Variants in DMAC2 observed in about 807,000 individuals in gnomAD.
DMAC2 encodes distal membrane arm assembly component 2.
In DMAC2, 32 loss-of-function variants were observed where a neutral mutation model predicts 29.6. That is an observed-to-expected ratio of 1.08 (90% CI 0.81 to 1.45). DMAC2 has a LOEUF of 1.45. Among genes scored for constraint, DMAC2 ranks in the 40% most tolerant of loss-of-function variants. DMAC2 has a pLI of 0.00. For missense variants in DMAC2, 319 were observed against 340.0 expected (o/e 0.94, Z 0.49); for synonymous variants, 133 against 137.4 (o/e 0.97, Z 0.23).
intron 1 of DMAC2, chr19:41,439,285 CCAA>C: frequency 1.9e-6 from 1 of 520,168 alleles, no homozygotes; most frequent in Non-Finnish European, 3.4e-6. Flanking sequence ...TTTAAAGCTG[CCAA>C]CCTCTTTAAT....
intron 5 of DMAC2, chr19:41,432,706 C>T (rs1555769624): frequency 1.9e-4 from 39 of 209,062 alleles, no homozygotes; most frequent in South Asian, 9.9e-4. Context: ...ATAAGGACAG[C>T]GTGTGTGTGT....
chr19:41,436,398 G>A lies in DMAC2; in HGVS notation c.290C>T (p.Ala97Val). The part of the protein sequence containing the change: ...GAFFILKQGG[A>V]VKFRDKEWIR... ...AACACCTTAGCGGTCATACTTGACT[G>A]CGCCTCCCTGCTTCAGGATGAAAAA... Residue 97 changes from alanine to valine, a missense_variant, in exon 3 of 6, where the codon GCA becomes GTA. By Grantham distance (64) the Ala-to-Val change is moderately conservative. Coordinates refer to ENST00000221943, the MANE Select transcript of DMAC2 (RefSeq NM_018035.3). 1 of 1,614,120 alleles carries A rather than the reference G, an allele frequency of 6.2e-7. No homozygotes were observed. Among genetic ancestry groups the A allele is most frequent in the Non-Finnish European group, 8.5e-7 (1 of 1,179,978 alleles).
intron 5 of DMAC2, chr19:41,432,786 G>GCA (rs782752110): frequency 3.9e-5 from 6 of 154,086 alleles, no homozygotes; most frequent in South Asian, 6.5e-5. Context: ...CAGCGTGCGT[G>GCA]TGTGTGTGTG....
At chr19:41,432,568 C>CGTGTGTGCGTGT in intron 5 of DMAC2, 160 bp from the exon 6 acceptor site, 1 of 518,942 alleles carries the variant, frequency 1.9e-6, no homozygotes, top group Non-Finnish European at 3.3e-6. Flanking sequence ...ACAGTGTGTG[C>CGTGTGTGCGTGT]GTGTGTGTGT....
At chr19:41,433,476 G>A in intron 4 of DMAC2, 42 bp from the exon 5 acceptor site, 2 of 1,612,712 alleles carry the variant, frequency 1.2e-6, no homozygotes, top group East Asian at 2.2e-5. Flanking sequence ...GAGCCTTTCT[G>A]GAGCCCATCA....
rs975122153 is a variant in DMAC2, at chr19:41,431,856, T to C, written c.*375A>G. ...ACGGGGGAGAACCATCCCTGTAAAG[T>C]GTCAGTAGTAGCCCCTGTGTCAGTC... is the stretch of plus-strand genomic sequence containing the variant. On this transcript the variant is annotated 3_prime_UTR_variant, in exon 6 of 6. Transcript: ENST00000221943. The C allele has an allele frequency of 1.2e-4, 34 of 277,810 alleles. No homozygotes were observed. The East Asian group carries it at 3.0e-3, about 24-fold the overall frequency. The allele number at this position is 277,810 out of a possible 1,614,324, so 17.2% of individuals were successfully genotyped here. A position where few individuals can be genotyped will look rare whatever the true frequency, so the allele number is the denominator to read the frequency against.
intron 3 of DMAC2, 61 bp downstream of exon 3, chr19:41,436,331 G>T: frequency 6.9e-7 from 1 of 1,449,996 alleles, no homozygotes; most frequent in Non-Finnish European, 9.7e-7. Flanking sequence ...TGCAGAACCT[G>T]GATGTTAGAG....
intron 5 of DMAC2, chr19:41,432,785 T>TGC (rs368825726): frequency 0.2 from 26,977 of 134,276 alleles, 830 homozygotes; most frequent in Middle Eastern, 0.27. Context: ...ACAGCGTGCG[T>TGC]GTGTGTGTGT....
intron 3 of DMAC2, among the ~76,000 whole-genome samples, chr19:41,434,567 T>C (rs188054825): frequency 8.6e-4 from 130 of 150,548 alleles, no homozygotes; most frequent in South Asian, 1.9e-3. Context: ...TCTAAGGAAG[T>C]TGCCAGAGGA....
At chr19:41,438,164 T>C (rs2039967829) in intron 2 of DMAC2, 54 bp downstream of exon 2, 1 of 1,541,370 alleles carries the variant, frequency 6.5e-7, no homozygotes, top group South Asian at 1.2e-5. Flanking sequence ...GGACAGGACC[T>C]GGGCTCTGGT....
chr19:41,439,241 A>T, intron 1 of DMAC2: 1 of 441,412 alleles, frequency 2.3e-6, no homozygotes, highest in South Asian at 3.9e-5. Flanking sequence ...AATTATCTCG[A>T]TAATTTTACC....
chr19:41,432,564 T>TGTGCGTGC, intron 5 of DMAC2, 156 bp from the exon 6 acceptor site: 1 of 605,504 alleles, frequency 1.7e-6, no homozygotes, highest in South Asian at 1.9e-5. Flanking sequence ...CAGGACAGTG[T>TGTGCGTGC]GTGCGTGTGT....
rs782262645 is a variant in DMAC2, at chr19:41,433,649, C to G, written c.321G>C (p.Arg107Ser). The change falls in exon 4 of 6, where the codon AGG (arginine) becomes AGC (serine). Residue 107 changes from arginine (R) to serine (S), a missense_variant. Coordinates refer to ENST00000221943, the MANE Select transcript of DMAC2 (RefSeq NM_018035.3). Reference sequence around the variant, plus strand: ...GAGAGAAATGGCCATACTTATCTGGCCTGATCCACTCCTTGTCTCGAAACC... The same window carrying G: ...GAGAGAAATGGCCATACTTATCTGGGCTGATCCACTCCTTGTCTCGAAACC... ...AVKFRDKEWI[R>S]PDKYGHFSQE... 86 of 1,614,108 alleles carry G rather than the reference C, an allele frequency of 5.3e-5. No individual in the cohort carries two copies. The highest frequency in any genetic ancestry group is 7.0e-5 in the Non-Finnish European group (83 of 1,180,048).
At chr19:41,436,088 C>G (rs546491791) in intron 3 of DMAC2, among the ~76,000 whole-genome samples, 1 of 152,340 alleles carries the variant, frequency 6.6e-6, no homozygotes, top group South Asian at 2.1e-4. Flanking sequence ...TTTGGCCAAG[C>G]TGCTCTCGAA....
chr19:41,439,648 T>C, intron 1 of DMAC2: 3 of 1,396,180 alleles, frequency 2.1e-6, no homozygotes, highest in African/African-American at 1.4e-5. Flanking sequence ...CATTGGATAC[T>C]CTCAGCCAAG....
chr19:41,432,900 A>C, intron 5 of DMAC2: 1 of 503,364 alleles, frequency 2.0e-6, no homozygotes, highest in Non-Finnish European at 3.5e-6. Flanking sequence ...GCATGCGTGC[A>C]TGTGTGTGTG....
chr19:41,438,018 A>G (rs2039961683), intron 2 of DMAC2, among the ~76,000 whole-genome samples, 200 bp downstream of exon 2: 1 of 152,228 alleles, frequency 6.6e-6, no homozygotes, highest in South Asian at 2.1e-4. Flanking sequence ...GATGCCAGTT[A>G]GACTCTGAGT....
At chr19:41,434,070 T>G (rs1555770473) in intron 3 of DMAC2, among the ~76,000 whole-genome samples, 3 of 151,750 alleles carry the variant, frequency 2.0e-5, no homozygotes, top group Non-Finnish European at 4.4e-5. Flanking sequence ...CCATCTCTAC[T>G]AAAAATACAA....
At chr19:41,433,061 G>C (rs1375432697) in intron 5 of DMAC2, 1 of 595,474 alleles carries the variant, frequency 1.7e-6, no homozygotes, top group Non-Finnish European at 2.8e-6. Context: ...ACACAGTTTT[G>C]ACTAAAACAA....
Sources: gnomAD v4.1 joint callset for allele counts (sites outside exome capture counted in the v4.1 genomes callset) on GRCh38, gnomAD v4.1.1 for gene constraint, MANE v1.5 for transcripts, NCBI Gene and HGNC (gene_info 2026-07-23, HGNC 2026-07-21) for gene names.